The following GRID2 variants were observed in gnomAD, a reference collection of about 807,000 sequenced individuals.
The protein encoded by GRID2 is glutamate receptor ionotropic, delta-2.
GRID2 carries 33 observed loss-of-function variants against 114.8 expected under a neutral mutation model. That is an observed-to-expected ratio of 0.29 (90% confidence interval 0.22 to 0.38). The LOEUF (loss-of-function observed/expected upper bound fraction) is 0.38, where lower values mean the gene tolerates loss of function less well. Among genes scored for constraint, GRID2 ranks in the 10% least tolerant of loss-of-function variants. The pLI is 1.00. For missense variants in GRID2, 1,184 were observed against 1,257.7 expected, an observed-to-expected ratio of 0.94 and a Z score of 0.89; for synonymous variants, 505 against 449.9, an observed-to-expected ratio of 1.12 and a Z score of -1.55.
At chr4:92,629,388 C>T (rs1579718773) in intron 2 of GRID2, among the ~76,000 whole-genome samples, 4 of 152,246 alleles carry the variant, frequency 2.6e-5, no homozygotes, top group Admixed American at 2.6e-4. Flanking sequence ...CAAACCTCCT[C>T]AGTACATCTG....
intron 14 of GRID2, among the ~76,000 whole-genome samples, chr4:93,670,564 T>A (rs1044664862): frequency 6.6e-6 from 1 of 152,160 alleles, no homozygotes; most frequent in Non-Finnish European, 1.5e-5. Flanking sequence ...CGAAGCTGAA[T>A]TACTTGCCTA....
intron 1 of GRID2, among the ~76,000 whole-genome samples, chr4:92,464,679 A>G (rs1319498676): frequency 4.6e-5 from 7 of 152,144 alleles, no homozygotes; most frequent in Non-Finnish European, 1.5e-5. Context: ...ATTAATCTCA[A>G]GCAGCTTACA....
chr4:92,947,663 A>G (rs1751736004), intron 2 of GRID2, among the ~76,000 whole-genome samples: 1 of 151,854 alleles, frequency 6.6e-6, no homozygotes, highest in Admixed American at 6.6e-5. Context: ...TTGACCATAT[A>G]TAGCCTTCAA....
intron 1 of GRID2, among the ~76,000 whole-genome samples, chr4:92,449,017 T>C (rs1204007615): frequency 2.6e-5 from 4 of 152,100 alleles, no homozygotes; most frequent in Admixed American, 2.0e-4. Flanking sequence ...TCTACATTAT[T>C]ACCTATTTCT....
At chr4:92,680,782 G>T (rs1733612726) in intron 2 of GRID2, among the ~76,000 whole-genome samples, 1 of 152,116 alleles carries the variant, frequency 6.6e-6, no homozygotes. Flanking sequence ...AGTGTACAAG[G>T]CATATGCATT....
intron 7 of GRID2, among the ~76,000 whole-genome samples, chr4:93,227,975 A>C (rs1022796127): frequency 9.2e-5 from 14 of 152,270 alleles, no homozygotes; most frequent in African/African-American, 3.4e-4. Context: ...CCAAGTCCTC[A>C]CTAGAATTGT....
intron 1 of GRID2, among the ~76,000 whole-genome samples, chr4:92,506,803 T>C (rs1278106138): frequency 1.3e-5 from 2 of 152,000 alleles, no homozygotes; most frequent in Non-Finnish European, 2.9e-5. Context: ...TGATGTGGTA[T>C]GTGTCTTCCT....
chr4:93,548,377 G>A (rs1733432072), intron 13 of GRID2, among the ~76,000 whole-genome samples: 1 of 152,124 alleles, frequency 6.6e-6, no homozygotes, highest in Non-Finnish European at 1.5e-5. Flanking sequence ...ACCGGACAGG[G>A]AACCATCTCA....
intron 1 of GRID2, among the ~76,000 whole-genome samples, chr4:92,576,189 C>T (rs1428412072): frequency 6.6e-6 from 1 of 152,214 alleles, no homozygotes; most frequent in Non-Finnish European, 1.5e-5. Context: ...AGGTCCCATC[C>T]ACTGAGAAGG....
intron 1 of GRID2, among the ~76,000 whole-genome samples, chr4:92,335,319 C>A (rs1727108424): frequency 6.6e-6 from 1 of 151,492 alleles, no homozygotes; most frequent in African/African-American, 2.4e-5. Flanking sequence ...ATTTACTCAA[C>A]ATATCAGAAC....
At chr4:92,946,279 G>A (rs1413228804) in intron 2 of GRID2, among the ~76,000 whole-genome samples, 1 of 151,854 alleles carries the variant, frequency 6.6e-6, no homozygotes, top group East Asian at 1.9e-4. Context: ...TGACTACTTT[G>A]TTTATATATT....
At position 92,816,255 on chromosome 4, in the gene GRID2, T is replaced by C. The variant is rs1740901409; in HGVS notation, c.244+225969T>C. Among the ~76,000 whole-genome samples the C allele has an allele frequency of 3.6e-5, 5 of 139,270 alleles. 1 individual carries two copies. In the South Asian group the frequency reaches 6.6e-4, roughly 18 times the overall value. The allele number at this position is 139,270 out of a possible 152,430, so 91.4% of individuals were successfully genotyped here. A position where few individuals can be genotyped will look rare whatever the true frequency, so the allele number is the denominator to read the frequency against. ...ACTTGAACCTGGGAGGCGGAGTATG[T>C]GGTGAGCTGAAATCGCACCATTGCA... On this transcript the variant is annotated intron_variant, in intron 2 of 15. Coordinates refer to ENST00000282020, the MANE Select transcript of GRID2 (RefSeq NM_001510.4).
intron 2 of GRID2, among the ~76,000 whole-genome samples, chr4:92,945,775 G>A (rs1037477024): frequency 6.6e-6 from 1 of 152,114 alleles, no homozygotes; most frequent in Non-Finnish European, 1.5e-5. Context: ...CAGTTGATGA[G>A]AATATTTTCA....
chr4:93,462,914 G>GA (rs1289601655), intron 11 of GRID2, among the ~76,000 whole-genome samples: 1 of 152,050 alleles, frequency 6.6e-6, no homozygotes, highest in Non-Finnish European at 1.5e-5. Flanking sequence ...GTGAACAGAG[G>GA]AAAAATGAGA....
chr4:93,136,890 A>G (rs932349374), intron 4 of GRID2, among the ~76,000 whole-genome samples: 3 of 152,198 alleles, frequency 2.0e-5, no homozygotes, highest in African/African-American at 7.2e-5. Context: ...AACTTATTTC[A>G]TCTTGTTACC....
At position 93,613,176 on chromosome 4, in the gene GRID2, C is replaced by T. The variant is rs974755105; in HGVS notation, c.2194-13093C>T. On this transcript the variant is annotated intron_variant, in intron 13 of 15. Coordinates refer to ENST00000282020, the MANE Select transcript of GRID2 (RefSeq NM_001510.4). ...TTTCAGGTCCATCAGCTCCTTTAAA[C>T]ACTTCTCTGTATTGGTTATTCTAGT... is the stretch of plus-strand genomic sequence containing the variant. Among the ~76,000 whole-genome samples, 477 of 149,522 alleles carry T rather than the reference C, an allele frequency of 3.2e-3. 4 individuals carry two copies. Among genetic ancestry groups the T allele is most frequent in the African/African-American group, 0.011 (445 of 40,596 alleles).
chr4:92,967,674 T>C (rs1753242870), intron 2 of GRID2, among the ~76,000 whole-genome samples: 1 of 151,952 alleles, frequency 6.6e-6, no homozygotes. Context: ...TTTAGTTCTA[T>C]AATGAAAATA....
chr4:92,978,260 T>C (rs1753990017), intron 2 of GRID2, among the ~76,000 whole-genome samples: 1 of 147,722 alleles, frequency 6.8e-6, no homozygotes, highest in African/African-American at 2.5e-5. Context: ...TACTGAAACA[T>C]TTTTCCACAG....
At chr4:92,729,585 A>G (rs1298405228) in intron 2 of GRID2, among the ~76,000 whole-genome samples, 1 of 152,008 alleles carries the variant, frequency 6.6e-6, no homozygotes, top group Non-Finnish European at 1.5e-5. Context: ...AAGCGTAAGG[A>G]TTTTAGAAGT....
Sources: gnomAD v4.1 joint callset for allele counts (sites outside exome capture counted in the v4.1 genomes callset) on GRCh38, gnomAD v4.1.1 for gene constraint, MANE v1.5 for transcripts, NCBI Gene and HGNC (gene_info 2026-07-23, HGNC 2026-07-21) for gene names.